Variants in BSN observed in about 807,000 individuals in gnomAD.
BSN encodes bassoon presynaptic cytomatrix protein, also known as protein bassoon.
Under a neutral mutation model 264.8 loss-of-function variants are expected in BSN, and 57 were observed. The observed-to-expected ratio is 0.22, with a 90% CI of 0.17 to 0.27. The LOEUF (loss-of-function observed/expected upper bound fraction) is 0.27. Ranked by LOEUF, BSN falls within the 10% of genes least tolerant of loss-of-function variation. The pLI is 1.00. For missense variants in BSN, 4,615 were observed against 5,232.5 expected (o/e 0.88, Z 3.64); for synonymous variants, 2,059 against 2,137.3 (o/e 0.96, Z 1.01).
At chr3:49,606,136 ATATATTATATATGTATATATT>A (rs2052138756) in intron 1 of BSN, among the ~76,000 whole-genome samples, 1 of 83,224 alleles carries the variant, frequency 1.2e-5, no homozygotes, top group African/African-American at 4.9e-5. Flanking sequence ...TTATATATAC[ATATATTATATATGTATATATT>A]ATATATACAT....
At position 49,660,528 on chromosome 3, in the gene BSN, C is replaced by T. The variant is rs750138570; in HGVS notation, c.8683C>T (p.Arg2895Trp). ...PPNSLVRKVK[R>W]TLPSPPPEEA... ...CAACAGCCTGGTCCGCAAGGTGAAG[C>T]GGACACTGCCCAGCCCCCCTCCAGA... Residue 2895 changes from arginine to tryptophan, a missense_variant, in exon 6 of 12, where the codon CGG becomes TGG. Physicochemically the swap from Arg to Trp is moderately radical, Grantham distance 101. Coordinates refer to ENST00000296452, the MANE Select transcript of BSN (RefSeq NM_003458.4). This position sits in a 1 kb window ranked among gnomAD's most constrained non-coding sequence, Gnocchi z 7.1. 6 of 1,554,914 alleles carry T rather than the reference C, an allele frequency of 3.9e-6. No homozygotes were observed. Among genetic ancestry groups the T allele is most frequent in the Non-Finnish European group, 5.2e-6 (6 of 1,150,032 alleles).
chr3:49,634,523 C>T (rs1446367495), intron 2 of BSN, among the ~76,000 whole-genome samples: 1 of 152,156 alleles, frequency 6.6e-6, no homozygotes, highest in Non-Finnish European at 1.5e-5. Context: ...TCCCAAGTAG[C>T]TGGGATTACA....
chr3:49,652,649 G>T lies in BSN; in HGVS notation c.3093G>T (p.Gly1031=). 2 of 1,607,842 alleles carry T rather than the reference G, an allele frequency of 1.2e-6. No homozygotes were observed. The highest frequency in any genetic ancestry group is 1.7e-6 in the Non-Finnish European group (2 of 1,177,084). Residue 1031 remains glycine, a synonymous_variant, in exon 5 of 12, where the codon GGG becomes GGT. Transcript: ENST00000296452. ...QQRKARHRSH[G]PLLPTIEDSS... is the part of the protein sequence containing the mutation. ...GCAAGGCCCGGCACCGCTCCCACGG[G>T]CCCCTGCTACCCACCATCGAGGACT...
intron 1 of BSN, among the ~76,000 whole-genome samples, chr3:49,610,008 C>T (rs2052192512): frequency 6.6e-6 from 1 of 152,192 alleles, no homozygotes; most frequent in Non-Finnish European, 1.5e-5. Flanking sequence ...CTGGGCCAGG[C>T]CCTGTGCCAA....
rs773878442 is a variant in BSN at position 49,654,974 on chromosome 3, C to T, written c.5418C>T (p.Asn1806=). ...AGTTTGCCAGATATAACCTACCCAA[C>T]CAAGTAGCTCCTCTGGCCAGAAGAG... ...EAKFARYNLP[N]QVAPLARRDV... is the part of the protein sequence containing the mutation. The change falls in exon 5 of 12, where the codon AAC becomes AAT. Residue 1806 remains asparagine (N), a synonymous_variant. Transcript: ENST00000296452. This position sits in a 1 kb window ranked among gnomAD's most constrained non-coding sequence, Gnocchi z 4.1. 11 of 1,612,904 alleles carry T rather than the reference C, an allele frequency of 6.8e-6. No individual in the cohort carries two copies. Among genetic ancestry groups the T allele is most frequent in the Middle Eastern group, 1.7e-4 (1 of 6,058 alleles).
rs768305723 is a variant in BSN, at chr3:49,655,764, G to A, written c.6208G>A (p.Asp2070Asn). ...TAGCTCAGTGTCGAACATCTACTCA[G>A]ACCACAGGTACGGCCCACGGGGAGA... ...RYSSVSNIYS[D>N]HRYGPRGDAV... is the part of the protein sequence containing the mutation. The change falls in exon 5 of 12, where the codon GAC becomes AAC. Residue 2070 changes from aspartate (D) to asparagine (N), a missense_variant. Coordinates refer to ENST00000296452, the MANE Select transcript of BSN (RefSeq NM_003458.4). 6.2e-7 allele frequency: 1 copy of A among 1,613,492 alleles called. No individual in the cohort carries two copies. The highest frequency in any genetic ancestry group is 1.1e-5 in the South Asian group (1 of 91,082).
Position 49,661,849 on chromosome 3 carries a change from G to T in BSN, c.10004G>T (p.Gly3335Val). 1 of 1,613,546 alleles carries T rather than the reference G, an allele frequency of 6.2e-7. No homozygotes were observed. Among genetic ancestry groups the T allele is most frequent in the Non-Finnish European group, 8.5e-7 (1 of 1,180,038 alleles). The change falls in exon 6 of 12, where the codon GGT (glycine) becomes GTT (valine). Residue 3335 changes from glycine (G) to valine (V), a missense_variant. Coordinates refer to ENST00000296452, the MANE Select transcript of BSN (RefSeq NM_003458.4). ...YRHGARVEKY[G>V]PGPMGPKHPS... ...CATGGGGCTCGAGTAGAGAAGTATG[G>T]TCCAGGGCCCATGGGGCCCAAGCAT... is the stretch of plus-strand genomic sequence containing the variant.
In BSN at chr3:49,653,170, C is replaced by T. The variant is rs373483468; in HGVS notation, c.3614C>T (p.Ala1205Val). 35 of 1,612,004 alleles carry T rather than the reference C, an allele frequency of 2.2e-5. No individual in the cohort carries two copies. The highest frequency in any genetic ancestry group is 3.0e-5 in the Non-Finnish European group (35 of 1,179,650). The change falls in exon 5 of 12, where the codon GCA becomes GTA. Residue 1205 changes from alanine (A) to valine (V), a missense_variant. Ala to Val is a moderately conservative substitution (Grantham distance 64). Around this residue, in one of 3 missense-constraint regions of BSN, gnomAD observed 3,415 missense variants for 3,866.4 expected, o/e 0.88. Coordinates refer to ENST00000296452, the MANE Select transcript of BSN (RefSeq NM_003458.4). The surrounding 1 kb of genome is among the most constrained non-coding windows in gnomAD (Gnocchi z 6.3). ...CTGCTCCAGAGGCAGCAAGGCCAGG[C>T]AGCAGGGGCCCGGGGACCCCATGGC... is the stretch of plus-strand genomic sequence containing the variant. ...AELLQRQQGQ[A>V]AGARGPHGGP...
chr3:49,597,135 G>T (rs1016712348), intron 1 of BSN, among the ~76,000 whole-genome samples: 1 of 151,888 alleles, frequency 6.6e-6, no homozygotes, highest in African/African-American at 2.4e-5. Context: ...TCTTTTCCTT[G>T]TATTCCCATA....
Position 49,655,229 on chromosome 3 carries a change from G to A in BSN, c.5673G>A (p.Gly1891=). 6.2e-7 allele frequency: 1 copy of A among 1,613,106 alleles called. No homozygotes were observed. The highest frequency in any genetic ancestry group is 8.5e-7 in the Non-Finnish European group (1 of 1,179,950). ...EEPAGALDLT[G]MRPESQLACC... ...CTGCGGGTGCCCTGGACCTTACCGG[G>A]ATGAGGCCTGAGAGCCAGCTGGCAT... Residue 1891 remains glycine, a synonymous_variant, in exon 5 of 12, where the codon GGG becomes GGA. Coordinates refer to ENST00000296452, the MANE Select transcript of BSN (RefSeq NM_003458.4).
In BSN at chr3:49,662,864, T is replaced by C; in HGVS notation, c.10718-12T>C. The C allele has an allele frequency of 1.3e-6, 2 of 1,544,288 alleles. No homozygotes were observed. Among genetic ancestry groups the C allele is most frequent in the East Asian group, 2.3e-5 (1 of 44,292 alleles). ...CCGGGGGTTGATGGTATTCTGTTTT[T>C]GGTCTCTGAAGCGTATCACCTGGGC... On this transcript the variant is annotated splice_polypyrimidine_tract_variant and intron_variant, in intron 6 of 11. Coordinates refer to ENST00000296452, the MANE Select transcript of BSN (RefSeq NM_003458.4).
Position 49,624,042 on chromosome 3 carries a change from C to T in BSN, c.225-933C>T, listed in dbSNP as rs369127795. Among the ~76,000 whole-genome samples, 7 of 152,214 alleles carry T rather than the reference C, an allele frequency of 4.6e-5. No individual in the cohort carries two copies. In the East Asian group the frequency reaches 7.7e-4, roughly 17 times the overall value. On this transcript the variant is annotated intron_variant, in intron 1 of 11. Coordinates refer to ENST00000296452, the MANE Select transcript of BSN (RefSeq NM_003458.4). ...TTGAAATGGAGTCTCGCTCTGTTGC[C>T]CAGGCTGGAGTGCAGTGGCACGATC...
At position 49,652,832 on chromosome 3, in the gene BSN, A is replaced by C; in HGVS notation, c.3276A>C (p.Thr1092=). The change falls in exon 5 of 12, where the codon ACA becomes ACC. Residue 1092 remains threonine (T), a synonymous_variant. Transcript: ENST00000296452. ...AGCGGAGGCGAGAGCGCTCCAAGAC[A>C]CCACCCAGTAACTTGTCACCCATCG... ...RAQRRRERSK[T]PPSNLSPIED... 6.3e-7 allele frequency: 1 copy of C among 1,588,588 alleles called. No individual in the cohort carries two copies. Among genetic ancestry groups the C allele is most frequent in the South Asian group, 1.1e-5 (1 of 87,848 alleles).
rs147485557 is a variant in BSN at position 49,661,065 on chromosome 3, G to A, written c.9220G>A (p.Gly3074Arg). 778 of 1,611,908 alleles carry A rather than the reference G, an allele frequency of 4.8e-4. 5 individuals are homozygous for A. In the African/African-American group the frequency reaches 9.1e-3, roughly 19 times the overall value. Residue 3074 changes from glycine to arginine, a missense_variant, in exon 6 of 12, where the codon GGA (glycine) becomes AGA (arginine). Around this residue, in one of 3 missense-constraint regions of BSN, gnomAD observed 3,415 missense variants for 3,866.4 expected, o/e 0.88. Coordinates refer to ENST00000296452, the MANE Select transcript of BSN (RefSeq NM_003458.4). Reference protein sequence around the residue: ...SAGSGGPTQNGFPAHQAPTYP... With the variant: ...SAGSGGPTQNRFPAHQAPTYP... ...AGGCAGTGGTGGGCCAACTCAGAAC[G>A]GATTCCCAGCCCACCAGGCCCCCAC...
In BSN at chr3:49,654,325, C is replaced by T; in HGVS notation, c.4769C>T (p.Thr1590Ile). The T allele has an allele frequency of 6.2e-7, 1 of 1,613,618 alleles. No homozygotes were observed. The highest frequency in any genetic ancestry group is 8.5e-7 in the Non-Finnish European group (1 of 1,179,918). ...TGCTCACCTACTGAAACCCAGCCCA[C>T]CACCCATGGCTACAGCCAGACAACA... ...PLCSPTETQP[T>I]THGYSQTTPP... The change falls in exon 5 of 12, where the codon ACC becomes ATC. Residue 1590 changes from threonine (T) to isoleucine (I), a missense_variant. Transcript: ENST00000296452. This position sits in a 1 kb window ranked among gnomAD's most constrained non-coding sequence, Gnocchi z 4.1.
rs764473834 is a variant in BSN at position 49,670,316 on chromosome 3, G to C, written c.*2831G>C. On this transcript the variant is annotated 3_prime_UTR_variant, in exon 12 of 12. Transcript: ENST00000296452. Reference sequence around the variant, plus strand: ...TACAGGCCAGGGGATGGGACAAGAAGTAGGGAACAGGCAGGGAAATGTTAG... The same window carrying C: ...TACAGGCCAGGGGATGGGACAAGAACTAGGGAACAGGCAGGGAAATGTTAG... 6.6e-6 allele frequency: 1 copy of C among 152,302 alleles called. No homozygotes were observed. Among genetic ancestry groups the C allele is most frequent in the Admixed American group, 6.5e-5 (1 of 15,292 alleles). 9.4% of individuals were successfully genotyped at this position (152,302 alleles called of 1,614,324 possible).
At chr3:49,591,823 A>G (rs2051979835) in intron 1 of BSN, among the ~76,000 whole-genome samples, 1 of 152,118 alleles carries the variant, frequency 6.6e-6, no homozygotes, top group Admixed American at 6.6e-5. Context: ...TCCTGAGCTA[A>G]AGCCATCCAC....
intron 3 of BSN, among the ~76,000 whole-genome samples, chr3:49,646,957 T>C (rs2108076243): frequency 6.6e-6 from 1 of 152,346 alleles, no homozygotes; most frequent in Middle Eastern, 3.4e-3. Flanking sequence ...GCACCAGTGA[T>C]GGCCATCCCT....
At position 49,667,593 on chromosome 3, in the gene BSN, C is replaced by A; in HGVS notation, c.*108C>A. Reference sequence around the variant, plus strand: ...CTCCCTCCTTTTCTCTTTCAAGCATCTACAATCTGGCAAACCCTTGGCCCA... The same window carrying A: ...CTCCCTCCTTTTCTCTTTCAAGCATATACAATCTGGCAAACCCTTGGCCCA... On this transcript the variant is annotated 3_prime_UTR_variant, in exon 12 of 12. Transcript: ENST00000296452. 6.5e-6 allele frequency: 1 copy of A among 152,804 alleles called. No individual in the cohort carries two copies. 9.5% of individuals were successfully genotyped at this position (152,804 alleles called of 1,614,324 possible).
Sources: gnomAD v4.1 joint callset for allele counts (sites outside exome capture counted in the v4.1 genomes callset) on GRCh38, gnomAD v4.1.1 for gene constraint, gnomAD v4.1.1 regional missense constraint, Gnocchi (gnomAD v3.1) non-coding constraint, MANE v1.5 for transcripts, NCBI Gene and HGNC (gene_info 2026-07-23, HGNC 2026-07-21) for gene names.